The following AUTS2 variants were observed in gnomAD, a reference collection of about 807,000 sequenced individuals.
The protein encoded by AUTS2 is autism susceptibility gene 2 protein.
In AUTS2, 17 loss-of-function variants were observed where a neutral mutation model predicts 112.4. The ratio of observed to expected loss-of-function variants is 0.15; its 90% CI spans 0.10 to 0.23. The LOEUF (loss-of-function observed/expected upper bound fraction) is 0.23. Ranked by LOEUF, AUTS2 falls within the 10% of genes least tolerant of loss-of-function variation. The pLI, the probability that AUTS2 is intolerant of heterozygous loss-of-function variation, is 1.00. For missense variants in AUTS2, 1,510 were observed against 1,701.6 expected (o/e 0.89, Z 1.98); for synonymous variants, 751 against 702.7 (o/e 1.07, Z -1.09).
intron 2 of AUTS2, among the ~76,000 whole-genome samples, chr7:69,937,882 T>C (rs1003357334): frequency 6.6e-5 from 10 of 152,128 alleles, no homozygotes; most frequent in African/African-American, 2.4e-4. Flanking sequence ...CTTCATCATT[T>C]GTTCCTATCT....
chr7:69,616,493 C>T (rs1239203783), intron 1 of AUTS2, among the ~76,000 whole-genome samples: 1 of 152,084 alleles, frequency 6.6e-6, no homozygotes, highest in Non-Finnish European at 1.5e-5. Flanking sequence ...CTGAATCCTG[C>T]CCTTTGTAGT....
chr7:70,616,134 C>T (rs1448730236), intron 5 of AUTS2, among the ~76,000 whole-genome samples: 1 of 152,218 alleles, frequency 6.6e-6, no homozygotes, highest in Admixed American at 6.5e-5. Flanking sequence ...TGTACATCTT[C>T]TTCAGATTTT....
At chr7:70,698,739 A>T in intron 6 of AUTS2, 119 bp downstream of exon 6, 1 of 797,230 alleles carries the variant, frequency 1.3e-6, no homozygotes, top group Non-Finnish European at 1.9e-6. Context: ...GCTACTGTTG[A>T]TGTTTCATGT....
Position 70,094,559 on chromosome 7 carries a change from TA to T in AUTS2, c.523-23570del, listed in dbSNP as rs559680655. ...GCATCCCAATGCGAGTAGTAAAACA[TA>T]AATCATGCAATATCATAAGATACTG... On this transcript the variant is annotated intron_variant, in intron 2 of 18. Coordinates refer to ENST00000342771, the MANE Select transcript of AUTS2 (RefSeq NM_015570.4). 1.3e-3 allele frequency among the ~76,000 whole-genome samples: 199 copies of T among 152,348 alleles called. 2 individuals are homozygous for T. The highest frequency in any genetic ancestry group is 4.6e-3 in the African/African-American group (191 of 41,580).
chr7:69,771,455 G>T (rs1243868618), intron 1 of AUTS2, among the ~76,000 whole-genome samples: 1 of 152,192 alleles, frequency 6.6e-6, no homozygotes, highest in Admixed American at 6.5e-5. Flanking sequence ...CTGCTGTCAA[G>T]GAGTTCACAG....
chr7:70,698,709 C>T, intron 6 of AUTS2, 89 bp downstream of exon 6: 1 of 1,037,868 alleles, frequency 9.6e-7, no homozygotes, highest in Middle Eastern at 2.2e-4. Flanking sequence ...CTAGAGTGAT[C>T]TTTCTCTTAT....
chr7:70,391,270 T>A (rs1214588319), intron 4 of AUTS2, among the ~76,000 whole-genome samples: 2 of 152,234 alleles, frequency 1.3e-5, no homozygotes, highest in East Asian at 3.8e-4. Flanking sequence ...TTGGCTTGTC[T>A]CTTTCCCATA....
chr7:70,078,233 T>A (rs554127373), intron 2 of AUTS2, among the ~76,000 whole-genome samples: 61 of 152,144 alleles, frequency 4.0e-4, no homozygotes, highest in South Asian at 8.3e-4. Flanking sequence ...TGTTTTTTTT[T>A]AATATGATAA....
intron 4 of AUTS2, among the ~76,000 whole-genome samples, chr7:70,139,403 C>G (rs1051810826): frequency 6.6e-6 from 1 of 152,154 alleles, no homozygotes; most frequent in East Asian, 1.9e-4. Flanking sequence ...CAGAAAATAT[C>G]TTGCTTTTAT....
intron 1 of AUTS2, among the ~76,000 whole-genome samples, chr7:69,771,296 T>TA (rs1788653355): frequency 6.6e-6 from 1 of 152,156 alleles, no homozygotes; most frequent in African/African-American, 2.4e-5. Flanking sequence ...AGCAGGTAAC[T>TA]AAAAAGGGGA....
intron 5 of AUTS2, among the ~76,000 whole-genome samples, chr7:70,641,677 C>T (rs1207703856): frequency 6.6e-6 from 1 of 152,198 alleles, no homozygotes; most frequent in Non-Finnish European, 1.5e-5. Context: ...GGAGGCCGCC[C>T]TTAGTTTTCC....
intron 4 of AUTS2, among the ~76,000 whole-genome samples, chr7:70,158,317 G>A (rs1807892239): frequency 6.6e-6 from 1 of 152,154 alleles, no homozygotes; most frequent in South Asian, 2.1e-4. Context: ...GTGGAAGATG[G>A]CTGTGTAAGC....
At chr7:70,431,085 C>T (rs1457138269) in intron 4 of AUTS2, among the ~76,000 whole-genome samples, 3 of 152,062 alleles carry the variant, frequency 2.0e-5, no homozygotes, top group Non-Finnish European at 4.4e-5. Context: ...GATCCGCCCG[C>T]CTCGGCCTCC....
intron 1 of AUTS2, among the ~76,000 whole-genome samples, chr7:69,627,247 C>T (rs1793995958): frequency 6.6e-6 from 1 of 152,164 alleles, no homozygotes; most frequent in South Asian, 2.1e-4. Flanking sequence ...AATCCCAGCA[C>T]TTTGGGAGGC....
At chr7:69,959,243 T>G (rs960212803) in intron 2 of AUTS2, among the ~76,000 whole-genome samples, 1 of 152,146 alleles carries the variant, frequency 6.6e-6, no homozygotes, top group Non-Finnish European at 1.5e-5. Flanking sequence ...TCTAAATATT[T>G]TCTTGGTTAC....
intron 4 of AUTS2, among the ~76,000 whole-genome samples, chr7:70,243,690 T>C (rs1212461742): frequency 6.6e-6 from 1 of 152,144 alleles, no homozygotes. Context: ...ATTCTTAAGA[T>C]AACTGGCAGA....
At chr7:70,479,630 A>C (rs1797712594) in intron 5 of AUTS2, among the ~76,000 whole-genome samples, 1 of 107,140 alleles carries the variant, frequency 9.3e-6, no homozygotes, top group Non-Finnish European at 1.9e-5. Context: ...AATATCATGT[A>C]GTACCTGAAA....
Position 69,945,714 on chromosome 7 carries a change from G to A in AUTS2, c.522+46216G>A, listed in dbSNP as rs575742350. 8.2e-4 allele frequency among the ~76,000 whole-genome samples: 125 copies of A among 152,054 alleles called. 1 individual carries two copies. Among genetic ancestry groups the A allele is most frequent in the African/African-American group, 2.9e-3 (122 of 41,472 alleles). ...TACAACATTATTAACAGTAATCACC[G>A]TGACTGTACATTAGATCTTGAGAAA... On this transcript the variant is annotated intron_variant, in intron 2 of 18. Transcript: ENST00000342771.
At chr7:70,425,030 CT>C (rs1795375689) in intron 4 of AUTS2, among the ~76,000 whole-genome samples, 1 of 152,186 alleles carries the variant, frequency 6.6e-6, no homozygotes, top group Non-Finnish European at 1.5e-5. Context: ...GAGCTCAGGG[CT>C]GCCCTGCCAT....
Sources: allele counts gnomAD v4.1 joint callset (sites outside exome capture counted in the v4.1 genomes callset), GRCh38; gene constraint gnomAD v4.1.1; transcripts MANE v1.5; gene names NCBI Gene and HGNC (gene_info 2026-07-23, HGNC 2026-07-21).